The following KNTC1 variants were observed in gnomAD, a reference collection of about 807,000 sequenced individuals.
The protein encoded by KNTC1 is kinetochore-associated protein 1.
Under a neutral mutation model 314.4 loss-of-function variants are expected in KNTC1, and 253 were observed. That is an observed-to-expected ratio of 0.80 (90% CI 0.73 to 0.89). The LOEUF (loss-of-function observed/expected upper bound fraction) is 0.89. Ranked by LOEUF, KNTC1 falls within the 40% of genes least tolerant of loss-of-function variation. The probability of loss-of-function intolerance (pLI) is 0.00; values close to 1 mark genes in which losing one functional copy is unlikely to be tolerated. For synonymous variants in KNTC1, 901 were observed against 901.4 expected, an observed-to-expected ratio of 1.00 and a Z score of 0.01; for missense variants, 2,475 against 2,572.9, an observed-to-expected ratio of 0.96 and a Z score of 0.82.
At chr12:122,612,598 T>C (rs979101347) in intron 53 of KNTC1, among the ~76,000 whole-genome samples, 3 of 151,584 alleles carry the variant, frequency 2.0e-5, no homozygotes, top group Non-Finnish European at 2.9e-5. Flanking sequence ...TTTGTATTTT[T>C]AGTAGAGACG....
chr12:122,624,889 G>A, intron 63 of KNTC1: 1 of 538,700 alleles, frequency 1.9e-6, no homozygotes, highest in Non-Finnish European at 3.4e-6. Context: ...CCCTGCCACT[G>A]GGCAGCAAAG....
rs1593547308 is a variant in KNTC1, at chr12:122,562,574, T to G, written c.1543-64T>G. The G allele has an allele frequency of 3.0e-6, 3 of 993,286 alleles. No individual in the cohort carries two copies. In the South Asian group the frequency reaches 4.1e-5, roughly 14 times the overall value. The allele number at this position is 993,286 out of a possible 1,614,324, so 61.5% of individuals were successfully genotyped here. A position where few individuals can be genotyped will look rare whatever the true frequency, so the allele number is the denominator to read the frequency against. On this transcript the variant is annotated intron_variant, in intron 19 of 63. Coordinates refer to ENST00000333479, the MANE Select transcript of KNTC1 (RefSeq NM_014708.6). ...GACATGTGAAATGTAATGATTCATT[T>G]TTAATGTTTTAATTTCAATATTGTT...
At chr12:122,551,141 T>TC (rs200791830) in intron 13 of KNTC1, among the ~76,000 whole-genome samples, 178 bp from the exon 14 acceptor site, 2,042 of 131,076 alleles carry the variant, frequency 0.016, 21 homozygotes, top group Non-Finnish European at 0.023. Context: ...AGCCATTTTT[T>TC]CCCAGTGTTT....
chr12:122,561,184 G>A (rs953737964), intron 18 of KNTC1, among the ~76,000 whole-genome samples: 8 of 151,748 alleles, frequency 5.3e-5, no homozygotes, highest in South Asian at 2.1e-4. Context: ...GCCTGGTGGC[G>A]CATGCTTGTA....
At chr12:122,573,082 T>A (rs1478230709) in intron 25 of KNTC1, 26 bp downstream of exon 25, 1 of 1,613,118 alleles carries the variant, frequency 6.2e-7, no homozygotes, top group African/African-American at 1.3e-5. Flanking sequence ...ATAAGAATTA[T>A]TTTGTATATC....
rs775931092 is a variant in KNTC1 at position 122,588,724 on chromosome 12, A to T, written c.3907A>T (p.Thr1303Ser). ...TCTTTTCTAAAAGTTATTTGGAGAGACTACATTAGTTAAATCAAGGCATGT... is the reference window on the plus strand; with the variant it reads ...TCTTTTCTAAAAGTTATTTGGAGAGTCTACATTAGTTAAATCAAGGCATGT... ...ATLSEKLFGE[T>S]TLVKSRHVVM... Residue 1303 changes from threonine (T) to serine (S), a missense_variant, in exon 40 of 64, where the codon ACT becomes TCT. By Grantham distance (58) the Thr-to-Ser change is moderately conservative. Transcript: ENST00000333479. 4.6e-6 allele frequency: 7 copies of T among 1,533,140 alleles called. No individual in the cohort carries two copies. The South Asian group carries it at 9.0e-5, about 20-fold the overall frequency. The allele number at this position is 1,533,140 out of a possible 1,614,324, so 95.0% of individuals were successfully genotyped here. A position where few individuals can be genotyped will look rare whatever the true frequency, so the allele number is the denominator to read the frequency against.
intron 31 of KNTC1, among the ~76,000 whole-genome samples, chr12:122,578,591 A>G (rs1965184899): frequency 6.6e-6 from 1 of 151,684 alleles, no homozygotes; most frequent in South Asian, 2.1e-4. Flanking sequence ...TGGCTAATTT[A>G]TGTATTTTTA....
intron 3 of KNTC1, among the ~76,000 whole-genome samples, chr12:122,537,226 C>A (rs139551503): frequency 3.3e-5 from 5 of 152,116 alleles, no homozygotes; most frequent in Non-Finnish European, 7.4e-5. Flanking sequence ...TCTGAATGCT[C>A]GGAATGCTCT....
chr12:122,591,269 C>A, intron 41 of KNTC1, 68 bp from the exon 42 acceptor site: 1 of 814,880 alleles, frequency 1.2e-6, no homozygotes, highest in South Asian at 1.4e-5. Context: ...TGTTGCGTTT[C>A]GTCTAAAAGG....
chr12:122,570,678 T>C (rs558614829), intron 22 of KNTC1, among the ~76,000 whole-genome samples, 198 bp from the exon 23 acceptor site: 2 of 152,260 alleles, frequency 1.3e-5, no homozygotes, highest in African/African-American at 2.4e-5. Flanking sequence ...TCACATTGCT[T>C]GCCTGTATCA....
chr12:122,583,086 CG>C (rs879023199), intron 34 of KNTC1, 101 bp downstream of exon 34: 9 of 1,080,200 alleles, frequency 8.3e-6, no homozygotes, highest in Non-Finnish European at 1.2e-5. Flanking sequence ...CCGAGGCAGG[CG>C]GATCACAAGG....
At position 122,562,651 on chromosome 12, in the gene KNTC1, A is replaced by C; in HGVS notation, c.1556A>C (p.His519Pro). Residue 519 changes from histidine to proline, a missense_variant, in exon 20 of 64, where the codon CAT becomes CCT. By Grantham distance (77) the His-to-Pro change is moderately conservative (BLOSUM62 -2). Coordinates refer to ENST00000333479, the MANE Select transcript of KNTC1 (RefSeq NM_014708.6). ...TTTTTTCTTCAGGTGCTAAGAGCTCATGCAAAATTGACTACTTTTTATGGA... is the reference window on the plus strand; with the variant it reads ...TTTTTTCTTCAGGTGCTAAGAGCTCCTGCAAAATTGACTACTTTTTATGGA... ...SDGLKEVLRA[H>P]AKLTTFYGAF... is the part of the protein sequence containing the mutation. 6.2e-7 allele frequency: 1 copy of C among 1,603,444 alleles called. No homozygotes were observed.
At chr12:122,536,730 C>T (rs1961869905) in intron 3 of KNTC1, among the ~76,000 whole-genome samples, 1 of 152,052 alleles carries the variant, frequency 6.6e-6, no homozygotes, top group Non-Finnish European at 1.5e-5. Context: ...GTTGGCCAGG[C>T]TGCTCTCAAA....
intron 18 of KNTC1, among the ~76,000 whole-genome samples, chr12:122,559,424 T>C (rs969420767): frequency 6.6e-5 from 10 of 152,206 alleles, no homozygotes; most frequent in African/African-American, 2.4e-4. Flanking sequence ...TATTGGCACA[T>C]AATATTCTAT....
chr12:122,589,649 T>G (rs1422885750), intron 40 of KNTC1, among the ~76,000 whole-genome samples: 1 of 151,872 alleles, frequency 6.6e-6, no homozygotes, highest in Admixed American at 6.6e-5. Flanking sequence ...TTGTAAAAAT[T>G]TTTTGTAGAG....
rs116094392 is a variant in KNTC1 at position 122,607,145 on chromosome 12, C to T, written c.5496+1730C>T. Among the ~76,000 whole-genome samples the T allele has an allele frequency of 2.0e-3, 305 of 152,228 alleles. 1 individual carries two copies. Among genetic ancestry groups the T allele is most frequent in the African/African-American group, 6.8e-3 (283 of 41,538 alleles). ...GTGGTACAATATTAGCTCACTGCAA[C>T]CCCCACCTCCTGGGTTCAAGCGAGT... On this transcript the variant is annotated intron_variant, in intron 51 of 63. Coordinates refer to ENST00000333479, the MANE Select transcript of KNTC1 (RefSeq NM_014708.6).
chr12:122,543,526 G>C, intron 6 of KNTC1, 74 bp from the exon 7 acceptor site: 1 of 1,117,118 alleles, frequency 9.0e-7, no homozygotes, highest in Non-Finnish European at 1.3e-6. Flanking sequence ...ATTTCACCTT[G>C]ACACAAAACA....
At position 122,585,671 on chromosome 12, in the gene KNTC1, G is replaced by T. The variant is rs36117464; in HGVS notation, c.3570G>T (p.Glu1190Asp). ...SFGTHKDPYE[E>D]WSYSDFFSED... Reference sequence around the variant, plus strand: ...GGACACATAAAGATCCATATGAAGAGTGGTCTTACAGTGACTTCTTCAGTG... The same window carrying T: ...GGACACATAAAGATCCATATGAAGATTGGTCTTACAGTGACTTCTTCAGTG... The change falls in exon 37 of 64, where the codon GAG (glutamate) becomes GAT (aspartate). Residue 1190 changes from glutamate to aspartate, a missense_variant. Physicochemically the swap from Glu to Asp is conservative, Grantham distance 45. Transcript: ENST00000333479. 1 of 1,613,752 alleles carries T rather than the reference G, an allele frequency of 6.2e-7. No individual in the cohort carries two copies. Among genetic ancestry groups the T allele is most frequent in the Non-Finnish European group, 8.5e-7 (1 of 1,179,684 alleles).
At chr12:122,606,868 C>T (rs945478398) in intron 51 of KNTC1, among the ~76,000 whole-genome samples, 1 of 152,072 alleles carries the variant, frequency 6.6e-6, no homozygotes, top group Non-Finnish European at 1.5e-5. Context: ...GTGTATTTCC[C>T]AAGAACAGGA....
Sources: gnomAD v4.1 joint callset for allele counts (sites outside exome capture counted in the v4.1 genomes callset) on GRCh38, gnomAD v4.1.1 for gene constraint, MANE v1.5 for transcripts, NCBI Gene and HGNC (gene_info 2026-07-23, HGNC 2026-07-21) for gene names.